The following EYA4 variants were observed in gnomAD, a reference collection of about 807,000 sequenced individuals.
EYA4 encodes the protein protein phosphatase EYA4.
In EYA4, 31 loss-of-function variants were observed where a neutral mutation model predicts 87.9. That is an observed-to-expected ratio of 0.35 (90% CI 0.27 to 0.48). The LOEUF (loss-of-function observed/expected upper bound fraction) is 0.48, where lower values mean the gene tolerates loss of function less well. EYA4 is among the 20% of genes least tolerant of loss of function. The pLI is 0.99. For missense variants in EYA4, 678 were observed against 761.4 expected (o/e 0.89, Z 1.29); for synonymous variants, 263 against 270.6 (o/e 0.97, Z 0.28).
chr6:133,348,261 GTTTTTTTTTTTTTTTTT>G (rs35905853), intron 2 of EYA4, among the ~76,000 whole-genome samples: 1 of 68,782 alleles, frequency 1.5e-5, no homozygotes, highest in East Asian at 3.4e-4. Context: ...TCTTCAAGTA[GTTTTTTTTTTTTTTTTT>G]TTTTTTTTTT....
chr6:133,317,846 C>T (rs1283378501), intron 2 of EYA4, among the ~76,000 whole-genome samples: 1 of 151,532 alleles, frequency 6.6e-6, no homozygotes, highest in Non-Finnish European at 1.5e-5. Flanking sequence ...TTCCCCCATC[C>T]TCCCATGCCC....
intron 2 of EYA4, among the ~76,000 whole-genome samples, chr6:133,332,286 C>T (rs1782023883): frequency 6.6e-6 from 1 of 152,178 alleles, no homozygotes; most frequent in African/African-American, 2.4e-5. Context: ...CAAAACAAAA[C>T]ATAACCTGTT....
In EYA4 at chr6:133,445,093, G is replaced by A. The variant is rs542261566; in HGVS notation, c.84-1537G>A. ...GCTTTAATCGTTCTGTTGGGTTTTT[G>A]TTATACCTGATGGTATTTTTCTTAA... On this transcript the variant is annotated intron_variant, in intron 3 of 19. Transcript: ENST00000355286. 3.3e-5 allele frequency among the ~76,000 whole-genome samples: 5 copies of A among 152,072 alleles called. No individual in the cohort carries two copies. In the East Asian group the frequency reaches 5.8e-4, roughly 18 times the overall value.
intron 3 of EYA4, among the ~76,000 whole-genome samples, chr6:133,402,321 G>A (rs1335234407): frequency 6.6e-6 from 1 of 151,994 alleles, no homozygotes; most frequent in Non-Finnish European, 1.5e-5. Context: ...AAACCACTTT[G>A]GTACATCTGT....
chr6:133,286,216 A>C (rs1011696998), intron 2 of EYA4, among the ~76,000 whole-genome samples: 1 of 152,184 alleles, frequency 6.6e-6, no homozygotes, highest in African/African-American at 2.4e-5. Context: ...TTGCTAGTGC[A>C]CTGCATGGGG....
chr6:133,275,473 C>A (rs1033263651), intron 2 of EYA4, among the ~76,000 whole-genome samples: 1 of 151,960 alleles, frequency 6.6e-6, no homozygotes, highest in Non-Finnish European at 1.5e-5. Flanking sequence ...GTTTTGCATA[C>A]GGACAACTCA....
chr6:133,346,204 G>A (rs1366080571), intron 2 of EYA4, among the ~76,000 whole-genome samples: 1 of 152,170 alleles, frequency 6.6e-6, no homozygotes, highest in Non-Finnish European at 1.5e-5. Context: ...TGTTCCAGAA[G>A]TATTAAAGTT....
intron 1 of EYA4, among the ~76,000 whole-genome samples, chr6:133,249,172 A>G (rs1190381120): frequency 2.0e-5 from 3 of 152,042 alleles, no homozygotes; most frequent in Non-Finnish European, 4.4e-5. Flanking sequence ...CTTTTATTGT[A>G]TTCTTATATT....
At chr6:133,319,649 C>T (rs1358919128) in intron 2 of EYA4, among the ~76,000 whole-genome samples, 3 of 150,904 alleles carry the variant, frequency 2.0e-5, no homozygotes, top group Non-Finnish European at 3.0e-5. Context: ...AATTGTTTTG[C>T]GTGATTTTGT....
intron 11 of EYA4, among the ~76,000 whole-genome samples, chr6:133,472,774 G>C (rs1795383739): frequency 8.4e-6 from 1 of 119,080 alleles, no homozygotes; most frequent in Admixed American, 9.2e-5. Flanking sequence ...GAATCTGGGT[G>C]CTCCTGTATT....
chr6:133,308,040 C>A (rs186067444), intron 2 of EYA4, among the ~76,000 whole-genome samples: 90 of 152,230 alleles, frequency 5.9e-4, no homozygotes, highest in Admixed American at 1.3e-3. Flanking sequence ...CGTTCTCTTG[C>A]CTGCTGCCAT....
chr6:133,489,645 TAGAATA>T (rs1473165314), intron 13 of EYA4, among the ~76,000 whole-genome samples: 1 of 151,934 alleles, frequency 6.6e-6, no homozygotes, highest in East Asian at 1.9e-4. Flanking sequence ...ATATTTACCC[TAGAATA>T]GTATATCCAG....
In EYA4 at chr6:133,439,049, C is replaced by CAAAAAAAAAAAAAAAAAAAAAAA. The variant is rs56261819; in HGVS notation, c.84-7576_84-7554dup. Among the ~76,000 whole-genome samples the CAAAAAAAAAAAAAAAAAAAAAAA allele has an allele frequency of 6.4e-4, 41 of 64,030 alleles. 2 individuals carry two copies. Among genetic ancestry groups the CAAAAAAAAAAAAAAAAAAAAAAA allele is most frequent in the Non-Finnish European group, 9.5e-4 (36 of 38,064 alleles). The allele number at this position is 64,030 out of a possible 152,430, so 42.0% of individuals were successfully genotyped here. On this transcript the variant is annotated intron_variant, in intron 3 of 19. Coordinates refer to ENST00000355286, the MANE Select transcript of EYA4 (RefSeq NM_004100.5). ...TGGGTGACAAAGCGAGACTCCGTCT[C>CAAAAAAAAAAAAAAAAAAAAAAA]AAAAAAAAAAAAAAAAAAAAAAAAA...
chr6:133,340,396 A>G (rs1782694273), intron 2 of EYA4, among the ~76,000 whole-genome samples: 2 of 152,128 alleles, frequency 1.3e-5, no homozygotes, highest in South Asian at 4.1e-4. Flanking sequence ...ATTTGTTTGG[A>G]GTCAAAAAAT....
intron 3 of EYA4, among the ~76,000 whole-genome samples, chr6:133,400,910 G>A (rs1381284279): frequency 6.6e-6 from 1 of 152,068 alleles, no homozygotes; most frequent in Non-Finnish European, 1.5e-5. Flanking sequence ...GTTCATATGA[G>A]CAGCTTTGAT....
At chr6:133,521,299 G>A (rs1009768706) in intron 17 of EYA4, among the ~76,000 whole-genome samples, 4 of 150,516 alleles carry the variant, frequency 2.7e-5, no homozygotes, top group African/African-American at 7.3e-5. Context: ...CAAAAAGTGG[G>A]CGAAGGACAT....
At chr6:133,474,958 GA>G (rs1795599545) in intron 11 of EYA4, among the ~76,000 whole-genome samples, 1 of 152,052 alleles carries the variant, frequency 6.6e-6, no homozygotes, top group South Asian at 2.1e-4. Context: ...CTGATTTAGA[GA>G]TAAGCCTAAT....
chr6:133,390,809 T>G (rs1339718768), intron 3 of EYA4, among the ~76,000 whole-genome samples: 1 of 152,130 alleles, frequency 6.6e-6, no homozygotes, highest in African/African-American at 2.4e-5. Flanking sequence ...ATCATTTCAT[T>G]AGAGGGATAG....
At position 133,456,657 on chromosome 6, in the gene EYA4, T is replaced by G; in HGVS notation, c.370+9T>G. Reference sequence around the variant, plus strand: ...CACTTTTACTGGGTCAGGTAAAGCCTTTAGCTCGTGTGTCCTTACGTACAC... The same window carrying G: ...CACTTTTACTGGGTCAGGTAAAGCCGTTAGCTCGTGTGTCCTTACGTACAC... On this transcript the variant is annotated intron_variant, in intron 6 of 19. Transcript: ENST00000355286. The G allele has an allele frequency of 6.3e-7, 1 of 1,590,986 alleles. No individual in the cohort carries two copies. The highest frequency in any genetic ancestry group is 8.6e-7 in the Non-Finnish European group (1 of 1,159,102).
Sources: gnomAD v4.1 joint callset for allele counts (sites outside exome capture counted in the v4.1 genomes callset) on GRCh38, gnomAD v4.1.1 for gene constraint, MANE v1.5 for transcripts, NCBI Gene and HGNC (gene_info 2026-07-23, HGNC 2026-07-21) for gene names.